The following MYO5A variants were observed in gnomAD, a reference collection of about 807,000 sequenced individuals.
The protein encoded by MYO5A is unconventional myosin-Va.
A neutral mutation model predicts 249.7 loss-of-function variants in MYO5A; 98 were observed. The ratio of observed to expected loss-of-function variants is 0.39; its 90% CI spans 0.33 to 0.46. The LOEUF (loss-of-function observed/expected upper bound fraction) is 0.46. MYO5A is among the 20% of genes least tolerant of loss of function. The probability of loss-of-function intolerance (pLI) is 0.98; values close to 1 mark genes in which losing one functional copy is unlikely to be tolerated. For synonymous variants in MYO5A, 778 were observed against 810.6 expected (o/e 0.96, Z 0.68); for missense variants, 1,696 against 2,308.8 (o/e 0.73, Z 5.44).
In MYO5A at chr15:52,317,227, GAA is replaced by G; in HGVS notation, c.5235-7_5235-6del. On this transcript the variant is annotated splice_region_variant and splice_polypyrimidine_tract_variant and intron_variant, in intron 39 of 41. Coordinates refer to ENST00000399233, the MANE Select transcript of MYO5A (RefSeq NM_001382347.1). ...TCCAGTTGACTGACATTGTACCTAT[GAA>G]AAAAAAGAGATACAGAGAATGCAAA... The G allele has an allele frequency of 6.2e-7, 1 of 1,611,022 alleles. No individual in the cohort carries two copies.
intron 1 of MYO5A, among the ~76,000 whole-genome samples, chr15:52,515,533 C>T (rs771742740): frequency 9.2e-5 from 14 of 152,190 alleles, no homozygotes; most frequent in Non-Finnish European, 1.8e-4. Flanking sequence ...CTAAGTGCTT[C>T]CCATGTACTA....
At chr15:52,325,594 G>T (rs1165675780) in intron 36 of MYO5A, among the ~76,000 whole-genome samples, 1 of 151,836 alleles carries the variant, frequency 6.6e-6, no homozygotes, top group Non-Finnish European at 1.5e-5. Flanking sequence ...TAGAGACAGG[G>T]TCTCGCAATG....
At chr15:52,381,763 G>C (rs4776040) in intron 16 of MYO5A, among the ~76,000 whole-genome samples, 103,306 of 150,374 alleles carry the variant, frequency 0.69, 36,836 homozygotes, top group Admixed American at 0.76. Context: ...CTCCTTTTGT[G>C]TCTCTCTCTC....
At chr15:52,348,056 T>C (rs560911284) in intron 29 of MYO5A, among the ~76,000 whole-genome samples, 6 of 152,336 alleles carry the variant, frequency 3.9e-5, no homozygotes, top group Non-Finnish European at 7.3e-5. Flanking sequence ...AATTAACTAA[T>C]CCAAGAGAAG....
chr15:52,391,852 C>A, intron 12 of MYO5A, 78 bp downstream of exon 12: 2 of 1,448,404 alleles, frequency 1.4e-6, no homozygotes, highest in Non-Finnish European at 1.9e-6. Context: ...ACTAATGAAT[C>A]TCTCCTTGAA....
At chr15:52,371,296 T>A (rs2041100459) in intron 21 of MYO5A, among the ~76,000 whole-genome samples, 1 of 152,178 alleles carries the variant, frequency 6.6e-6, no homozygotes, top group Non-Finnish European at 1.5e-5. Context: ...CTTTATATCA[T>A]TTACATGTGC....
intron 1 of MYO5A, among the ~76,000 whole-genome samples, chr15:52,482,644 A>T (rs556611252): frequency 2.0e-5 from 3 of 149,396 alleles, no homozygotes; most frequent in East Asian, 3.9e-4. Flanking sequence ...CCTGTTCATA[A>T]TTTTTTTTTT....
chr15:52,524,737 G>A (rs1229913356), intron 1 of MYO5A, among the ~76,000 whole-genome samples: 2 of 151,788 alleles, frequency 1.3e-5, no homozygotes, highest in Non-Finnish European at 2.9e-5. Flanking sequence ...TTAGCTGGGT[G>A]CATAGCTGTG....
chr15:52,363,155 G>A (rs548574501), intron 24 of MYO5A, among the ~76,000 whole-genome samples: 93 of 152,290 alleles, frequency 6.1e-4, no homozygotes, highest in African/African-American at 2.1e-3. Context: ...TGTTGGCATT[G>A]TCATCTAATA....
At chr15:52,448,926 ATTTCTTTTTTTTTTTTCTTTTCTTGTC>A (rs2075953240) in intron 1 of MYO5A, among the ~76,000 whole-genome samples, 1 of 36,268 alleles carries the variant, frequency 2.8e-5, no homozygotes, top group Non-Finnish European at 5.9e-5. Context: ...AGTCTCAGGT[ATTTCTTTTTTTTTTTTCTTTTCTTGTC>A]TTTCTTTTTT....
chr15:52,496,590 G>A (rs953485392), intron 1 of MYO5A, among the ~76,000 whole-genome samples: 2 of 152,172 alleles, frequency 1.3e-5, no homozygotes, highest in African/African-American at 4.8e-5. Flanking sequence ...GGGATCTAGA[G>A]GAGCTTTGAA....
chr15:52,520,728 C>A (rs549418030), intron 1 of MYO5A, among the ~76,000 whole-genome samples: 1 of 152,342 alleles, frequency 6.6e-6, no homozygotes, highest in South Asian at 2.1e-4. Context: ...ACCTCTCATC[C>A]ATAAATTACC....
rs529671142 is a variant in MYO5A at position 52,482,900 on chromosome 15, G to A, written c.27+45880C>T. Among the ~76,000 whole-genome samples, 9 of 152,264 alleles carry A rather than the reference G, an allele frequency of 5.9e-5. No homozygotes were observed. The South Asian group carries it at 8.3e-4, about 14-fold the overall frequency. Reference sequence around the variant, plus strand: ...AGGTTTCTAAGGTCTCCTGTGATTAGGCTTCTATCATTGCAATGGACTGAT... The same window carrying A: ...AGGTTTCTAAGGTCTCCTGTGATTAAGCTTCTATCATTGCAATGGACTGAT... On this transcript the variant is annotated intron_variant, in intron 1 of 41. Coordinates refer to ENST00000399233, the MANE Select transcript of MYO5A (RefSeq NM_001382347.1).
chr15:52,317,303 G>T, intron 39 of MYO5A, 81 bp from the exon 40 acceptor site: 1 of 1,372,980 alleles, frequency 7.3e-7, no homozygotes, highest in Non-Finnish European at 1.0e-6. Context: ...GTGCGGCCTT[G>T]TCAGGATTTA....
chr15:52,499,636 T>C (rs1474791277), intron 1 of MYO5A, among the ~76,000 whole-genome samples: 1 of 152,228 alleles, frequency 6.6e-6, no homozygotes, highest in African/African-American at 2.4e-5. Flanking sequence ...TCATCAAGGT[T>C]ATTCATGTTG....
At chr15:52,437,464 T>C (rs1328804679) in intron 1 of MYO5A, among the ~76,000 whole-genome samples, 1 of 151,724 alleles carries the variant, frequency 6.6e-6, no homozygotes, top group Non-Finnish European at 1.5e-5. Context: ...GCATGGTGGT[T>C]CGTGCCTGTA....
intron 1 of MYO5A, among the ~76,000 whole-genome samples, chr15:52,471,174 T>C (rs2076458950): frequency 6.6e-6 from 1 of 152,198 alleles, no homozygotes; most frequent in South Asian, 2.1e-4. Context: ...GATTATAAAC[T>C]TGACTGCATT....
chr15:52,482,732 T>C (rs1384988923), intron 1 of MYO5A, among the ~76,000 whole-genome samples: 1 of 152,132 alleles, frequency 6.6e-6, no homozygotes, highest in African/African-American at 2.4e-5. Flanking sequence ...AAAAAATTTT[T>C]TTAAGTGAAT....
At chr15:52,431,225 C>T (rs186490047) in intron 2 of MYO5A, among the ~76,000 whole-genome samples, 386 of 1,406 alleles carry the variant, frequency 0.27, 2 homozygotes, top group Middle Eastern at 0.5. Flanking sequence ...GAGCAAAATT[C>T]CGTCTCAAAA....
Sources: gnomAD v4.1 joint callset for allele counts (sites outside exome capture counted in the v4.1 genomes callset) on GRCh38, gnomAD v4.1.1 for gene constraint, MANE v1.5 for transcripts, NCBI Gene and HGNC (gene_info 2026-07-23, HGNC 2026-07-21) for gene names.